The following FRMD4B variants were observed in gnomAD, a reference collection of about 807,000 sequenced individuals.
FRMD4B encodes the protein FERM domain-containing protein 4B.
Under a neutral mutation model 141.5 loss-of-function variants are expected in FRMD4B, and 74 were observed. That is an observed-to-expected ratio of 0.52 (90% CI 0.43 to 0.63). The LOEUF is 0.63. Ranked by LOEUF, FRMD4B falls within the 30% of genes least tolerant of loss-of-function variation. The pLI is 0.00. For synonymous variants in FRMD4B, 506 were observed against 467.9 expected (o/e 1.08, Z -1.05); for missense variants, 1,366 against 1,253.4 (o/e 1.09, Z -1.36).
At chr3:69,254,024 G>A (rs144381767) in intron 5 of FRMD4B, among the ~76,000 whole-genome samples, 251 of 152,280 alleles carry the variant, frequency 1.6e-3, no homozygotes, top group African/African-American at 5.8e-3. Context: ...AAGCTGCAGT[G>A]TGCCATGATC....
At position 69,196,946 on chromosome 3, in the gene FRMD4B, A is replaced by G. The variant is rs765980146; in HGVS notation, c.1046T>C (p.Met349Thr). 3 of 1,611,428 alleles carry G rather than the reference A, an allele frequency of 1.9e-6. No homozygotes were observed. Among genetic ancestry groups the G allele is most frequent in the Non-Finnish European group, 2.5e-6 (3 of 1,177,522 alleles). Residue 349 changes from methionine to threonine, a missense_variant, in exon 13 of 23, where the codon ATG becomes ACG. Met to Thr is a moderately conservative substitution (Grantham distance 81). Transcript: ENST00000398540. ...GTAAAACTGATGCTGACTAATTGCC[A>G]TTACCCAAATGGACTTGATGAGAGA... ...NSSLIKSIWVMAISQHQFYLD... is the reference protein window; with the variant it reads ...NSSLIKSIWVTAISQHQFYLD...
intron 2 of FRMD4B, among the ~76,000 whole-genome samples, chr3:69,428,357 T>C (rs77274134): frequency 0.016 from 2,312 of 149,124 alleles, 20 homozygotes; most frequent in Non-Finnish European, 0.022. Flanking sequence ...TTAAATGAGT[T>C]AACACTTGTA....
chr3:69,216,069 G>A lies in FRMD4B; in HGVS notation c.876+194C>T, dbSNP rs1201330520. On this transcript the variant is annotated intron_variant, in intron 11 of 22. Transcript: ENST00000398540. ...CTTGGGAGGCTGAGGCAGGAGACTCGCTTGAACCCAGGAGGTGGAGGTTGC... is the reference window on the plus strand; with the variant it reads ...CTTGGGAGGCTGAGGCAGGAGACTCACTTGAACCCAGGAGGTGGAGGTTGC... Among the ~76,000 whole-genome samples, 5 of 151,958 alleles carry A rather than the reference G, an allele frequency of 3.3e-5. No homozygotes were observed. In the East Asian group the frequency reaches 5.8e-4, roughly 18 times the overall value.
At chr3:69,454,692 T>C (rs765877274) in intron 1 of FRMD4B, among the ~76,000 whole-genome samples, 5 of 152,214 alleles carry the variant, frequency 3.3e-5, no homozygotes, top group Non-Finnish European at 5.9e-5. Context: ...GGCTTGGGAC[T>C]GCAGCCCACC....
chr3:69,382,873 C>T (rs1474714421), intron 1 of FRMD4B, among the ~76,000 whole-genome samples: 1 of 152,020 alleles, frequency 6.6e-6, no homozygotes, highest in Non-Finnish European at 1.5e-5. Flanking sequence ...TCAGCAAGAC[C>T]AGGTCTGAAA....
chr3:69,449,367 TG>T (rs892059055), intron 1 of FRMD4B, among the ~76,000 whole-genome samples: 2 of 152,250 alleles, frequency 1.3e-5, no homozygotes, highest in African/African-American at 4.8e-5. Flanking sequence ...CTTACAGTTT[TG>T]ACTTTAAAAA....
At chr3:69,361,718 G>T (rs777285158) in intron 1 of FRMD4B, among the ~76,000 whole-genome samples, 10 of 152,154 alleles carry the variant, frequency 6.6e-5, no homozygotes, top group African/African-American at 1.9e-4. Context: ...TCCATTGCAT[G>T]AATATAGTAT....
intron 1 of FRMD4B, among the ~76,000 whole-genome samples, chr3:69,377,816 CT>C (rs35903288): frequency 0.3 from 43,563 of 145,282 alleles, 6,439 homozygotes; most frequent in African/African-American, 0.36. Context: ...TCTTCTTCTT[CT>C]TTTTTTTTTT....
intron 5 of FRMD4B, among the ~76,000 whole-genome samples, chr3:69,269,633 A>G (rs2093585184): frequency 1.3e-5 from 2 of 152,194 alleles, no homozygotes; most frequent in South Asian, 4.1e-4. Flanking sequence ...AACCAAGAGT[A>G]AACTGTATTC....
intron 19 of FRMD4B, among the ~76,000 whole-genome samples, chr3:69,186,821 G>A (rs1048169907): frequency 5.9e-5 from 9 of 152,252 alleles, no homozygotes; most frequent in African/African-American, 2.2e-4. Context: ...TTATAGGTGT[G>A]AGCTGCCGCA....
chr3:69,488,290 C>T (rs931952873), intron 1 of FRMD4B, among the ~76,000 whole-genome samples: 1 of 152,138 alleles, frequency 6.6e-6, no homozygotes, highest in African/African-American at 2.4e-5. Flanking sequence ...AAATTGAAGG[C>T]CCTCCAATTC....
intron 1 of FRMD4B, among the ~76,000 whole-genome samples, chr3:69,383,182 A>G (rs191631445): frequency 0.01 from 1,597 of 152,346 alleles, 15 homozygotes; most frequent in Non-Finnish European, 0.013. Flanking sequence ...ACCCACGGTC[A>G]TACATAGGCA....
At chr3:69,196,564 C>G (rs573740298) in intron 13 of FRMD4B, among the ~76,000 whole-genome samples, 168 bp from the exon 14 acceptor site, 64 of 152,288 alleles carry the variant, frequency 4.2e-4, no homozygotes, top group Non-Finnish European at 5.4e-4. Flanking sequence ...AAAAACCCCA[C>G]AAGTAGTTAA....
chr3:69,181,006 C>A lies in FRMD4B; in HGVS notation c.2744G>T (p.Ser915Ile). 1 of 1,614,020 alleles carries A rather than the reference C, an allele frequency of 6.2e-7. No homozygotes were observed. Among genetic ancestry groups the A allele is most frequent in the Non-Finnish European group, 8.5e-7 (1 of 1,179,860 alleles). ...GTCTGAGTCAAAGCTGGTCTGCGGG[C>A]TGTGTCCCTGATCCTTCTGCCCAGA... ...RASGQKDQGH[S>I]PQTSFDSDRG... The change falls in exon 21 of 23, where the codon AGC becomes ATC. Residue 915 changes from serine to isoleucine, a missense_variant. Ser to Ile is a moderately radical substitution (Grantham distance 142). Transcript: ENST00000398540.
intron 8 of FRMD4B, among the ~76,000 whole-genome samples, chr3:69,222,608 C>T (rs2093207127): frequency 6.6e-6 from 1 of 151,624 alleles, no homozygotes; most frequent in African/African-American, 2.4e-5. Flanking sequence ...GTCGTCTCTA[C>T]TAAAAATACA....
At chr3:69,414,087 A>G (rs981107901) in intron 2 of FRMD4B, among the ~76,000 whole-genome samples, 7 of 152,328 alleles carry the variant, frequency 4.6e-5, no homozygotes, top group African/African-American at 1.7e-4. Flanking sequence ...TCCCATCTCC[A>G]GAAGGAAACT....
intron 1 of FRMD4B, among the ~76,000 whole-genome samples, chr3:69,523,925 G>GCAC (rs1240209526): frequency 6.6e-6 from 1 of 152,092 alleles, no homozygotes; most frequent in African/African-American, 2.4e-5. Context: ...GGATCAGAAG[G>GCAC]CACCACCCAG....
intron 19 of FRMD4B, among the ~76,000 whole-genome samples, chr3:69,185,300 C>CAAAAA (rs1237352393): frequency 2.9e-5 from 2 of 67,856 alleles, no homozygotes; most frequent in Non-Finnish European, 6.4e-5. Flanking sequence ...GACTCCGTCT[C>CAAAAA]AAAAAAAAAA....
chr3:69,245,317 TTGTGTGTGTGTGTGTGTG>T (rs67220182), intron 7 of FRMD4B, among the ~76,000 whole-genome samples: 3 of 142,962 alleles, frequency 2.1e-5, no homozygotes, highest in African/African-American at 2.7e-5. Flanking sequence ...CTGACTTTCT[TTGTGTGTGTGTGTGTGTG>T]TGTGTGTGTG....
Sources: gnomAD v4.1 joint callset for allele counts (sites outside exome capture counted in the v4.1 genomes callset) on GRCh38, gnomAD v4.1.1 for gene constraint, MANE v1.5 for transcripts, NCBI Gene and HGNC (gene_info 2026-07-23, HGNC 2026-07-21) for gene names.